Variants in AS3MT observed in about 807,000 individuals in gnomAD.
AS3MT encodes S-adenosyl-L-methionine:arsenic(III) methyltransferase.
Under a neutral mutation model 45.3 loss-of-function variants are expected in AS3MT, and 47 were observed. That is an observed-to-expected ratio of 1.04 (90% CI 0.82 to 1.32). AS3MT has a LOEUF of 1.32. Among genes scored for constraint, AS3MT ranks in the 40% most tolerant of loss-of-function variants. The pLI, the probability that AS3MT is intolerant of heterozygous loss-of-function variation, is 0.00. For missense variants in AS3MT, 396 were observed against 451.1 expected (o/e 0.88, Z 1.11); for synonymous variants, 141 against 152.8 (o/e 0.92, Z 0.57).
intron 10 of AS3MT, among the ~76,000 whole-genome samples, chr10:102,894,679 A>C (rs926916107): frequency 6.6e-6 from 1 of 152,166 alleles, no homozygotes; most frequent in African/African-American, 2.4e-5. Context: ...TCTGGTAAGA[A>C]ACATTTACAA....
intron 10 of AS3MT, among the ~76,000 whole-genome samples, chr10:102,891,507 T>C (rs1845071204): frequency 6.6e-6 from 1 of 152,224 alleles, no homozygotes; most frequent in South Asian, 2.1e-4. Flanking sequence ...TGGAATAACA[T>C]TTGTAGGTAA....
chr10:102,869,919 T>A, intron 2 of AS3MT, 74 bp downstream of exon 2: 1 of 1,594,544 alleles, frequency 6.3e-7, no homozygotes, highest in Non-Finnish European at 8.6e-7. Flanking sequence ...CCGCACCCTG[T>A]CCCCCGGGAC....
chr10:102,869,941 G>T, intron 2 of AS3MT, 96 bp downstream of exon 2: 1 of 1,572,120 alleles, frequency 6.4e-7, no homozygotes. Context: ...CCTGGAGTCG[G>T]GGTAGGGCAG....
chr10:102,880,566 C>T (rs1175842005), intron 9 of AS3MT, among the ~76,000 whole-genome samples: 1 of 151,962 alleles, frequency 6.6e-6, no homozygotes, highest in Non-Finnish European at 1.5e-5. Context: ...AAAAAAGCAA[C>T]AAAAAAACCA....
chr10:102,880,930 G>C (rs531025406), intron 9 of AS3MT, among the ~76,000 whole-genome samples: 1 of 152,274 alleles, frequency 6.6e-6, no homozygotes, highest in Admixed American at 6.5e-5. Context: ...CAACTTTGCT[G>C]CTTTCTCAGT....
intron 10 of AS3MT, among the ~76,000 whole-genome samples, chr10:102,897,201 G>A (rs1293146895): frequency 3.3e-5 from 5 of 151,732 alleles, no homozygotes; most frequent in Admixed American, 1.3e-4. Context: ...TGGCTAACAC[G>A]GTGAAACCCC....
Position 102,870,079 on chromosome 10 carries a change from G to A in AS3MT, c.43-5G>A. The A allele has an allele frequency of 6.2e-7, 1 of 1,613,772 alleles. No individual in the cohort carries two copies. The highest frequency in any genetic ancestry group is 1.7e-5 in the Admixed American group (1 of 60,022). On this transcript the variant is annotated splice_region_variant and splice_polypyrimidine_tract_variant and intron_variant, in intron 2 of 10. Coordinates refer to ENST00000369880, the MANE Select transcript of AS3MT (RefSeq NM_020682.4). ...CCCTCACTCCACTGTGGGACGCTGGGTCAGACCTACTACGGGCAGGTGCTG... is the reference window on the plus strand; with the variant it reads ...CCCTCACTCCACTGTGGGACGCTGGATCAGACCTACTACGGGCAGGTGCTG...
chr10:102,893,405 G>A (rs1244253443), intron 10 of AS3MT, among the ~76,000 whole-genome samples: 4 of 151,856 alleles, frequency 2.6e-5, no homozygotes, highest in Admixed American at 1.3e-4. Flanking sequence ...TGCAACCTCC[G>A]CCTCACAGGT....
chr10:102,872,464 C>G lies in AS3MT; in HGVS notation c.187C>G (p.Leu63Val), dbSNP rs749172135. The change falls in exon 4 of 11, where the codon CTG (leucine) becomes GTG (valine). Residue 63 changes from leucine (L) to valine (V), a missense_variant. By Grantham distance (32) the Leu-to-Val change is conservative. Transcript: ENST00000369880. ...ATTTCCCAGATATTATGGCTGTGGTCTGGTGATCCCTGAGCATCTAGAAAA... is the reference window on the plus strand; with the variant it reads ...ATTTCCCAGATATTATGGCTGTGGTGTGGTGATCCCTGAGCATCTAGAAAA... ...EVALRYYGCG[L>V]VIPEHLENCW... 1.2e-6 allele frequency: 2 copies of G among 1,613,896 alleles called. No individual in the cohort carries two copies. Among genetic ancestry groups the G allele is most frequent in the South Asian group, 1.1e-5 (1 of 91,028 alleles).
At chr10:102,872,361 G>T in intron 3 of AS3MT, 87 bp from the exon 4 acceptor site, 1 of 1,371,818 alleles carries the variant, frequency 7.3e-7, no homozygotes. Flanking sequence ...AACGGAGGGA[G>T]GGAGGGAGGA....
At chr10:102,897,340 T>C (rs1845192092) in intron 10 of AS3MT, among the ~76,000 whole-genome samples, 1 of 149,768 alleles carries the variant, frequency 6.7e-6, no homozygotes, top group African/African-American at 2.5e-5. Context: ...GCAGAGATCA[T>C]GCCACTGCAC....
intron 9 of AS3MT, among the ~76,000 whole-genome samples, chr10:102,880,176 T>C (rs1181866583): frequency 2.0e-5 from 3 of 152,216 alleles, no homozygotes; most frequent in African/African-American, 7.2e-5. Context: ...TAATGTTGGA[T>C]GATGGCACTA....
At chr10:102,882,043 C>T (rs1232756447) in intron 9 of AS3MT, among the ~76,000 whole-genome samples, 3 of 151,762 alleles carry the variant, frequency 2.0e-5, no homozygotes, top group Admixed American at 2.0e-4. Flanking sequence ...GGGTTCACGC[C>T]ATTCTCCTGC....
rs1272409608 is a variant in AS3MT at position 102,870,164 on chromosome 10, G to A, written c.123G>A (p.Lys41=). The A allele has an allele frequency of 6.2e-7, 1 of 1,614,180 alleles. No homozygotes were observed. The highest frequency in any genetic ancestry group is 8.5e-7 in the Non-Finnish European group (1 of 1,180,036). Residue 41 remains lysine (K), a synonymous_variant, in exon 3 of 11, where the codon AAG becomes AAA. Transcript: ENST00000369880. ...TCACCACAGCCAGGCCGGTCCCCAA[G>A]CACATCCGGGAAGCCTTGCAAAATG... is the stretch of plus-strand genomic sequence containing the variant. ...GCVTTARPVP[K]HIREALQNVH... is the part of the protein sequence containing the mutation.
At chr10:102,871,741 CA>C in intron 3 of AS3MT, among the ~76,000 whole-genome samples, 1 of 150,334 alleles carries the variant, frequency 6.7e-6, no homozygotes, top group East Asian at 2.0e-4. Flanking sequence ...CAAAACAAAA[CA>C]AAACAAAACA....
intron 10 of AS3MT, among the ~76,000 whole-genome samples, chr10:102,894,147 C>T (rs909014218): frequency 3.3e-5 from 5 of 150,826 alleles, no homozygotes; most frequent in African/African-American, 4.9e-5. Context: ...AATTCTAGGC[C>T]GGGCGCGGTG....
chr10:102,890,675 A>G lies in AS3MT; in HGVS notation c.1017A>G (p.Leu339=). 3 of 1,607,196 alleles carry G rather than the reference A, an allele frequency of 1.9e-6. No homozygotes were observed. Among genetic ancestry groups the G allele is most frequent in the Non-Finnish European group, 2.5e-6 (3 of 1,178,118 alleles). The change falls in exon 10 of 11, where the codon TTA becomes TTG. Residue 339 remains leucine, a synonymous_variant. Transcript: ENST00000369880. The stretch of plus-strand genomic sequence containing the variant: ...CTGGAGGCTGTTCTGCTTTGGAGTT[A>G]AAGGTTAGTTTGGCTTTCACTACCT... The part of the protein sequence containing the change: ...PTSGGCSALE[L]KDIITDPFKL...
At position 102,876,927 on chromosome 10, in the gene AS3MT, G is replaced by A. The variant is rs565707676; in HGVS notation, c.529-27G>A. The A allele has an allele frequency of 3.7e-6, 6 of 1,606,710 alleles. No individual in the cohort carries two copies. In the South Asian group the frequency reaches 5.5e-5, roughly 15 times the overall value. ...GGTCAATGTAATCATTAATCATCTTGTTTGGACTAATATGCCTCTGTTTCA... is the reference window on the plus strand; with the variant it reads ...GGTCAATGTAATCATTAATCATCTTATTTGGACTAATATGCCTCTGTTTCA... On this transcript the variant is annotated intron_variant, in intron 6 of 10. Coordinates refer to ENST00000369880, the MANE Select transcript of AS3MT (RefSeq NM_020682.4).
Position 102,874,614 on chromosome 10 carries a change from G to A in AS3MT, c.481G>A (p.Val161Met). 6.2e-7 allele frequency: 1 copy of A among 1,609,010 alleles called. No homozygotes were observed. The highest frequency in any genetic ancestry group is 1.1e-5 in the South Asian group (1 of 90,072). The change falls in exon 6 of 11, where the codon GTG becomes ATG. Residue 161 changes from valine (V) to methionine (M), a missense_variant. Coordinates refer to ENST00000369880, the MANE Select transcript of AS3MT (RefSeq NM_020682.4). ...IVVSNCVINL[V>M]PDKQQVLQEA... is the part of the protein sequence containing the mutation. ...TAGATCAAACTGTGTTATTAACCTT[G>A]TGCCTGATAAACAACAAGTGCTTCA...
Sources: gnomAD v4.1 joint callset for allele counts (sites outside exome capture counted in the v4.1 genomes callset) on GRCh38, gnomAD v4.1.1 for gene constraint, MANE v1.5 for transcripts, NCBI Gene and HGNC (gene_info 2026-07-23, HGNC 2026-07-21) for gene names.